MAP3K11: variants seen among roughly 807,000 people sequenced by gnomAD.
MAP3K11 encodes mitogen-activated protein kinase kinase kinase 11, also known as SH3 domain-containing proline-rich kinase.
In MAP3K11, 46 loss-of-function variants were observed where a neutral mutation model predicts 84.9. The observed-to-expected ratio is 0.54, with a 90% CI of 0.43 to 0.69. MAP3K11 has a LOEUF of 0.69. MAP3K11 is among the 30% of genes least tolerant of loss of function. MAP3K11 has a pLI of 0.00. For missense variants in MAP3K11, 1,053 were observed against 1,198.3 expected, an observed-to-expected ratio of 0.88 and a Z score of 1.79; for synonymous variants, 527 against 514.7, an observed-to-expected ratio of 1.02 and a Z score of -0.32.
chr11:65,612,691 C>T (rs756012515), intron 1 of MAP3K11: 12 of 256,990 alleles, frequency 4.7e-5, no homozygotes, highest in Admixed American at 4.3e-4. Context: ...ATGAGGAGCA[C>T]GAGCTTCCAG....
chr11:65,607,931 G>A lies in MAP3K11; in HGVS notation c.1060C>T (p.Leu354Phe). Reference sequence around the variant, plus strand: ...CTCCCCGTCCTCTTACCGGCCATAAGCTGTGCGAAGGGCTCGGGGCAGGTG... The same window carrying A: ...CTCCCCGTCCTCTTACCGGCCATAAACTGTGCGAAGGGCTCGGGGCAGGTG... ...PSTCPEPFAQ[L>F]MADCWAQDPH... The change falls in exon 3 of 10, where the codon CTT (leucine) becomes TTT (phenylalanine). Residue 354 changes from leucine (L) to phenylalanine (F), a missense_variant. Physicochemically the swap from Leu to Phe is conservative, Grantham distance 22 (BLOSUM62 0). Coordinates refer to ENST00000309100, the MANE Select transcript of MAP3K11 (RefSeq NM_002419.4). The A allele has an allele frequency of 6.2e-7, 1 of 1,614,026 alleles. No homozygotes were observed.
intron 9 of MAP3K11, 41 bp downstream of exon 9, chr11:65,599,353 C>A (rs184191950): frequency 6.6e-7 from 1 of 1,511,476 alleles, no homozygotes; most frequent in Non-Finnish European, 8.8e-7. Flanking sequence ...TGGGAACCCC[C>A]GTCTCCCATA....
intron 8 of MAP3K11, among the ~76,000 whole-genome samples, chr11:65,605,438 T>C (rs1854496091): frequency 6.6e-6 from 1 of 152,156 alleles, no homozygotes; most frequent in Admixed American, 6.5e-5. Flanking sequence ...TTCCTGTCTT[T>C]CTTTTCTCCC....
rs1565143851 is a variant in MAP3K11 at position 65,605,797 on chromosome 11, G to A, written c.1795C>T (p.Pro599Ser). 1 of 1,612,708 alleles carries A rather than the reference G, an allele frequency of 6.2e-7. No individual in the cohort carries two copies. Among genetic ancestry groups the A allele is most frequent in the Non-Finnish European group, 8.5e-7 (1 of 1,179,446 alleles). Residue 599 changes from proline to serine, a missense_variant, in exon 8 of 10, where the codon CCC becomes TCC. Pro to Ser is a moderately conservative substitution (Grantham distance 74). Around this residue, in one of 3 missense-constraint regions of MAP3K11, gnomAD observed 583 missense variants for 566.6 expected, o/e 1.03. Transcript: ENST00000309100. Reference protein sequence around the residue: ...TWYLDSDDSSPLGSPSTPPAL... With the variant: ...TWYLDSDDSSSLGSPSTPPAL... The stretch of plus-strand genomic sequence containing the variant: ...GGGGGTGTGGAAGGAGATCCTAAGG[G>A]GGATGAGTCATCTGAATCCAGGTAC...
intron 1 of MAP3K11, chr11:65,612,619 A>G: frequency 5.9e-6 from 1 of 170,588 alleles, no homozygotes; most frequent in Non-Finnish European, 1.2e-5. Context: ...GGAGCTGCCC[A>G]TGACGACGGG....
intron 1 of MAP3K11, 57 bp from the exon 2 acceptor site, chr11:65,608,505 AAG>A (rs1854538934): frequency 1.3e-6 from 2 of 1,555,352 alleles, no homozygotes; most frequent in Admixed American, 3.4e-5. Flanking sequence ...GGGACAGGGT[AAG>A]AGCTGGGAGC....
chr11:65,605,641 C>A (rs550353076), intron 8 of MAP3K11, 120 bp downstream of exon 8: 2 of 690,984 alleles, frequency 2.9e-6, no homozygotes, highest in Admixed American at 3.3e-5. Flanking sequence ...GTTTCCTAGT[C>A]TCTAGAATGA....
chr11:65,599,812 T>C, intron 8 of MAP3K11, 44 bp from the exon 9 acceptor site: 1 of 1,573,048 alleles, frequency 6.4e-7, no homozygotes, highest in Non-Finnish European at 8.6e-7. Flanking sequence ...CTGGTGCATA[T>C]TCCGGGTGAG....
chr11:65,608,468 T>C lies in MAP3K11; in HGVS notation c.740-20A>G, dbSNP rs534883325. ...GCAAAACTAGAGAAGAGGGGCCAGA[T>C]TGTGGATGCTCCAGGATCAGGTGGT... On this transcript the variant is annotated intron_variant, in intron 1 of 9. Coordinates refer to ENST00000309100, the MANE Select transcript of MAP3K11 (RefSeq NM_002419.4). 1.9e-5 allele frequency: 30 copies of C among 1,612,804 alleles called. No individual in the cohort carries two copies. The East Asian group carries it at 3.6e-4, about 19-fold the overall frequency.
intron 8 of MAP3K11, among the ~76,000 whole-genome samples, chr11:65,604,927 G>C (rs776817191): frequency 6.6e-6 from 1 of 152,094 alleles, no homozygotes; most frequent in African/African-American, 2.4e-5. Context: ...TGAGCTGAGT[G>C]AGCCCTCCTC....
In MAP3K11 at chr11:65,598,186, C is replaced by T. The variant is rs1854404875; in HGVS notation, c.*105G>A. 2.0e-6 allele frequency: 2 copies of T among 1,001,328 alleles called. No homozygotes were observed. Among genetic ancestry groups the T allele is most frequent in the Non-Finnish European group, 2.7e-6 (2 of 743,250 alleles). 62.0% of individuals were successfully genotyped at this position (1,001,328 alleles called of 1,614,324 possible). A position where few individuals can be genotyped will look rare whatever the true frequency, so the allele number is the denominator to read the frequency against. ...CTGACCCCCAAAGGGGGGTGGGGTCCCTGGGGAAACTGAGGCAGCTGCAGA... is the reference window on the plus strand; with the variant it reads ...CTGACCCCCAAAGGGGGGTGGGGTCTCTGGGGAAACTGAGGCAGCTGCAGA... On this transcript the variant is annotated 3_prime_UTR_variant, in exon 10 of 10. Coordinates refer to ENST00000309100, the MANE Select transcript of MAP3K11 (RefSeq NM_002419.4).
In MAP3K11 at chr11:65,607,320, C is replaced by T. The variant is rs1352509256; in HGVS notation, c.1439G>A (p.Arg480His). Residue 480 changes from arginine to histidine, a missense_variant, in exon 5 of 10, where the codon CGC becomes CAC. Transcript: ENST00000309100. Reference sequence around the variant, plus strand: ...GCCGTCGCGCGCCCGGAGCTTGCTGCGCTTGAATGTCCCGCGGCGGCGGCG... The same window carrying T: ...GCCGTCGCGCGCCCGGAGCTTGCTGTGCTTGAATGTCCCGCGGCGGCGGCG... ...HVRRRRGTFK[R>H]SKLRARDGGE... is the part of the protein sequence containing the mutation. The T allele has an allele frequency of 6.6e-7, 1 of 1,521,980 alleles. No homozygotes were observed. Among genetic ancestry groups the T allele is most frequent in the African/African-American group, 1.4e-5 (1 of 70,344 alleles). The allele number at this position is 1,521,980 out of a possible 1,614,324, so 94.3% of individuals were successfully genotyped here. A position where few individuals can be genotyped will look rare whatever the true frequency, so the allele number is the denominator to read the frequency against.
intron 8 of MAP3K11, among the ~76,000 whole-genome samples, chr11:65,603,500 A>T (rs187592646): frequency 1.3e-5 from 2 of 152,244 alleles, no homozygotes; most frequent in Non-Finnish European, 2.9e-5. Context: ...CTCTCCAGGG[A>T]CCAGAACAGC....
chr11:65,613,101 G>C lies in MAP3K11; in HGVS notation c.656C>G (p.Ala219Gly). 1 of 1,573,728 alleles carries C rather than the reference G, an allele frequency of 6.4e-7. No homozygotes were observed. The highest frequency in any genetic ancestry group is 8.6e-7 in the Non-Finnish European group (1 of 1,160,262). ...GTGCATCCCACGGGCAATCTGCACAGCCCAGTTGACCAGCACATGGGGAGG... is the reference window on the plus strand; with the variant it reads ...GTGCATCCCACGGGCAATCTGCACACCCCAGTTGACCAGCACATGGGGAGG... Reference protein sequence around the residue: ...RVPPHVLVNWAVQIARGMHYL... With the variant: ...RVPPHVLVNWGVQIARGMHYL... The change falls in exon 1 of 10, where the codon GCT (alanine) becomes GGT (glycine). Residue 219 changes from alanine (A) to glycine (G), a missense_variant. Coordinates refer to ENST00000309100, the MANE Select transcript of MAP3K11 (RefSeq NM_002419.4).
At chr11:65,603,079 G>C (rs2135365880) in intron 8 of MAP3K11, among the ~76,000 whole-genome samples, 1 of 152,230 alleles carries the variant, frequency 6.6e-6, no homozygotes, top group East Asian at 1.9e-4. Flanking sequence ...GTCCAGCCTG[G>C]GTAACAGAAT....
intron 5 of MAP3K11, 194 bp from the exon 6 acceptor site, chr11:65,606,998 T>G: frequency 1.7e-6 from 1 of 578,218 alleles, no homozygotes; most frequent in Non-Finnish European, 2.9e-6. Flanking sequence ...GAGTCGGAGA[T>G]GCCCTGGCGC....
intron 8 of MAP3K11, among the ~76,000 whole-genome samples, chr11:65,600,345 C>T (rs1470773241): frequency 6.6e-6 from 1 of 152,234 alleles, no homozygotes; most frequent in African/African-American, 2.4e-5. Flanking sequence ...CCCAAGGTCA[C>T]AGCTAATTTA....
intron 1 of MAP3K11, chr11:65,608,712 G>A (rs1350267526): frequency 2.5e-6 from 1 of 405,492 alleles, no homozygotes; most frequent in African/African-American, 2.1e-5. Context: ...CCACCTCCTG[G>A]GTTCAAGCGA....
At chr11:65,598,752 C>A in intron 9 of MAP3K11, 124 bp from the exon 10 acceptor site, 1 of 642,350 alleles carries the variant, frequency 1.6e-6, no homozygotes, top group Non-Finnish European at 2.4e-6. Flanking sequence ...TCAACTTCCA[C>A]CGCCCTTCCT....
Sources: allele counts gnomAD v4.1 joint callset (sites outside exome capture counted in the v4.1 genomes callset), GRCh38; gene constraint gnomAD v4.1.1; regional missense constraint gnomAD v4.1.1; transcripts MANE v1.5; gene names NCBI Gene and HGNC (gene_info 2026-07-23, HGNC 2026-07-21).